The following USP37 variants were observed in gnomAD, a reference collection of about 807,000 sequenced individuals.
USP37 encodes ubiquitin specific peptidase 37, also known as ubiquitin carboxyl-terminal hydrolase 37.
USP37 carries 27 observed loss-of-function variants against 124.0 expected under a neutral mutation model. The observed-to-expected ratio is 0.22, with a 90% CI of 0.16 to 0.30. The LOEUF is 0.30. USP37 is among the 10% of genes least tolerant of loss of function. USP37 has a pLI of 1.00. For missense variants in USP37, 889 were observed against 1,140.4 expected, an observed-to-expected ratio of 0.78 and a Z score of 3.17; for synonymous variants, 365 against 388.0, an observed-to-expected ratio of 0.94 and a Z score of 0.70.
At chr2:218,561,226 G>A (rs1369661796) in intron 2 of USP37, among the ~76,000 whole-genome samples, 1 of 151,940 alleles carries the variant, frequency 6.6e-6, no homozygotes, top group Non-Finnish European at 1.5e-5. Flanking sequence ...TTTCCACTCC[G>A]CCACTCAGTG....
At chr2:218,549,266 C>T (rs939801126) in intron 6 of USP37, among the ~76,000 whole-genome samples, 1 of 151,860 alleles carries the variant, frequency 6.6e-6, no homozygotes, top group African/African-American at 2.4e-5. Flanking sequence ...TAAAAAGAAC[C>T]TGACAAAAAT....
Position 218,476,888 on chromosome 2 carries a change from T to A in USP37, c.1995A>T (p.Arg665Ser). Residue 665 changes from arginine (R) to serine (S), a missense_variant, in exon 19 of 26, where the codon AGA becomes AGT. Around this residue, in one of 3 missense-constraint regions of USP37, gnomAD observed 504 missense variants for 714.3 expected, o/e 0.71. Transcript: ENST00000258399. The part of the protein sequence containing the change: ...ELKRSVALSQ[R>S]LCEMLGNEQQ... Reference sequence around the variant, plus strand: ...GTTCGTTGCCTAACATTTCACAAAGTCTCTGGCTGAGGGCCACAGAACGTT... The same window carrying A: ...GTTCGTTGCCTAACATTTCACAAAGACTCTGGCTGAGGGCCACAGAACGTT... 1 of 1,610,376 alleles carries A rather than the reference T, an allele frequency of 6.2e-7. No homozygotes were observed. The highest frequency in any genetic ancestry group is 8.5e-7 in the Non-Finnish European group (1 of 1,178,572).
At chr2:218,455,136 G>T in intron 25 of USP37, 119 bp from the exon 26 acceptor site, 1 of 1,183,684 alleles carries the variant, frequency 8.4e-7, no homozygotes, top group Non-Finnish European at 1.2e-6. Context: ...TCCATTTCAT[G>T]CCTGTATTTT....
chr2:218,563,482 A>C (rs748952837), intron 1 of USP37, among the ~76,000 whole-genome samples: 2 of 152,178 alleles, frequency 1.3e-5, no homozygotes, highest in Non-Finnish European at 2.9e-5. Context: ...TAAGTCTTAA[A>C]ACTTCCATAA....
At chr2:218,514,628 A>C (rs1243678803) in intron 10 of USP37, among the ~76,000 whole-genome samples, 1 of 152,056 alleles carries the variant, frequency 6.6e-6, no homozygotes, top group Admixed American at 6.5e-5. Flanking sequence ...TGAAGTTTCT[A>C]TTTTTCCTTT....
intron 10 of USP37, among the ~76,000 whole-genome samples, chr2:218,518,216 G>T (rs1354553231): frequency 6.6e-6 from 1 of 151,978 alleles, no homozygotes; most frequent in Non-Finnish European, 1.5e-5. Flanking sequence ...AAACAGATTT[G>T]AGTTTTTGTA....
chr2:218,459,698 G>C, intron 23 of USP37, 92 bp downstream of exon 23: 2 of 1,016,624 alleles, frequency 2.0e-6, no homozygotes, highest in Non-Finnish European at 2.9e-6. Context: ...AAATGAACCT[G>C]CAGTGGACAC....
At chr2:218,502,524 AC>A in intron 11 of USP37, among the ~76,000 whole-genome samples, 1 of 152,196 alleles carries the variant, frequency 6.6e-6, no homozygotes, top group East Asian at 1.9e-4. Context: ...ATATATAAAA[AC>A]GTTCAAAATC....
At chr2:218,474,103 G>C (rs1690839309) in intron 20 of USP37, among the ~76,000 whole-genome samples, 1 of 152,154 alleles carries the variant, frequency 6.6e-6, no homozygotes, top group Admixed American at 6.5e-5. Flanking sequence ...TGTAAATTCA[G>C]ATATAGGAAA....
intron 23 of USP37, among the ~76,000 whole-genome samples, chr2:218,458,730 T>C (rs1036425197): frequency 7.9e-5 from 12 of 152,138 alleles, no homozygotes; most frequent in African/African-American, 2.9e-4. Flanking sequence ...TGAGGCAATA[T>C]AGTACAGCCA....
At chr2:218,518,276 TCA>T (rs1690409117) in intron 10 of USP37, among the ~76,000 whole-genome samples, 2 of 152,334 alleles carry the variant, frequency 1.3e-5, no homozygotes, top group African/African-American at 2.4e-5. Flanking sequence ...TGTGATAATT[TCA>T]CAGTTTAAGG....
At chr2:218,520,698 C>A (rs1051404154) in intron 10 of USP37, among the ~76,000 whole-genome samples, 1 of 152,198 alleles carries the variant, frequency 6.6e-6, no homozygotes, top group African/African-American at 2.4e-5. Flanking sequence ...TTTATTCTTA[C>A]CAAGATCCAA....
chr2:218,544,596 AAAAC>A (rs769172575), intron 8 of USP37, among the ~76,000 whole-genome samples: 25 of 151,942 alleles, frequency 1.6e-4, no homozygotes, highest in Non-Finnish European at 3.1e-4. Flanking sequence ...GCCTTTAAAG[AAAAC>A]AAACAAGGAA....
At chr2:218,486,611 C>T (rs2105979054) in intron 15 of USP37, among the ~76,000 whole-genome samples, 1 of 152,254 alleles carries the variant, frequency 6.6e-6, no homozygotes, top group South Asian at 2.1e-4. Flanking sequence ...TTAGTAGAAG[C>T]AGGGTTTTGC....
In USP37 at chr2:218,452,167, T is replaced by G. The variant is rs1689502859; in HGVS notation, c.*2763A>C. Reference sequence around the variant, plus strand: ...AAGATCAAAAGGTTGTATCTAGAACTAATTGCCATCAAGTTCCAATTCAAT... The same window carrying G: ...AAGATCAAAAGGTTGTATCTAGAACGAATTGCCATCAAGTTCCAATTCAAT... On this transcript the variant is annotated 3_prime_UTR_variant, in exon 26 of 26. Coordinates refer to ENST00000258399, the MANE Select transcript of USP37 (RefSeq NM_020935.3). The G allele has an allele frequency of 6.6e-6, 1 of 152,224 alleles. No homozygotes were observed. The highest frequency in any genetic ancestry group is 2.1e-4 in the South Asian group (1 of 4,828). The allele number at this position is 152,224 out of a possible 1,614,324, so 9.4% of individuals were successfully genotyped here.
In USP37 at chr2:218,562,691, G is replaced by A. The variant is rs949697283; in HGVS notation, c.-107C>T. On this transcript the variant is annotated 5_prime_UTR_variant, in exon 2 of 26. Coordinates refer to ENST00000258399, the MANE Select transcript of USP37 (RefSeq NM_020935.3). ...TACTTACTTTTCAGTGACTTTTACC[G>A]AAAAACCCTATGTAATAGCAATTCA... The A allele has an allele frequency of 1.3e-5, 5 of 398,314 alleles. No individual in the cohort carries two copies. Among genetic ancestry groups the A allele is most frequent in the East Asian group, 3.6e-5 (1 of 28,064 alleles). The allele number at this position is 398,314 out of a possible 1,614,324, so 24.7% of individuals were successfully genotyped here.
intron 2 of USP37, among the ~76,000 whole-genome samples, 152 bp from the exon 3 acceptor site, chr2:218,561,035 A>G (rs1693279910): frequency 6.6e-6 from 1 of 152,246 alleles, no homozygotes; most frequent in South Asian, 2.1e-4. Flanking sequence ...GCTGGGTAAT[A>G]TGAATTCGTC....
At position 218,454,644 on chromosome 2, in the gene USP37, A is replaced by G; in HGVS notation, c.*286T>C. ...TGTGTGTGTGTGTCTGTGTGTGTGT[A>G]TACACACATACACAGATATATATTT... On this transcript the variant is annotated 3_prime_UTR_variant, in exon 26 of 26. Coordinates refer to ENST00000258399, the MANE Select transcript of USP37 (RefSeq NM_020935.3). 2.9e-6 allele frequency: 1 copy of G among 350,216 alleles called. No individual in the cohort carries two copies. Among genetic ancestry groups the G allele is most frequent in the Admixed American group, 4.6e-5 (1 of 21,596 alleles). The allele number at this position is 350,216 out of a possible 1,614,324, so 21.7% of individuals were successfully genotyped here. A position where few individuals can be genotyped will look rare whatever the true frequency, so the allele number is the denominator to read the frequency against.
chr2:218,485,763 T>A lies in USP37; in HGVS notation c.1591-20A>T. ...TTCGGCCTATAAAAAGAAGGAAAAA[T>A]AAAGCATGAAGGTGAATCAGCATTA... On this transcript the variant is annotated intron_variant, in intron 15 of 25. Transcript: ENST00000258399. 1 of 1,598,304 alleles carries A rather than the reference T, an allele frequency of 6.3e-7. No individual in the cohort carries two copies. Among genetic ancestry groups the A allele is most frequent in the Non-Finnish European group, 8.5e-7 (1 of 1,174,902 alleles).
Sources: gnomAD v4.1 joint callset for allele counts (sites outside exome capture counted in the v4.1 genomes callset) on GRCh38, gnomAD v4.1.1 for gene constraint, gnomAD v4.1.1 regional missense constraint, MANE v1.5 for transcripts, NCBI Gene and HGNC (gene_info 2026-07-23, HGNC 2026-07-21) for gene names.